The following ENOPH1 variants were observed in gnomAD, a reference collection of about 807,000 sequenced individuals.
ENOPH1 encodes the protein enolase-phosphatase E1.
In ENOPH1, 14 loss-of-function variants were observed where a neutral mutation model predicts 31.1. That is an observed-to-expected ratio of 0.45 (90% CI 0.30 to 0.70). The LOEUF is 0.70. Ranked by LOEUF, ENOPH1 falls within the 30% of genes least tolerant of loss-of-function variation. The pLI is 0.09. For synonymous variants in ENOPH1, 127 were observed against 123.2 expected, an observed-to-expected ratio of 1.03 and a Z score of -0.21; for missense variants, 243 against 321.5, an observed-to-expected ratio of 0.76 and a Z score of 1.87.
chr4:82,441,032 C>T (rs1023892789), intron 1 of ENOPH1, among the ~76,000 whole-genome samples: 1 of 152,162 alleles, frequency 6.6e-6, no homozygotes, highest in African/African-American at 2.4e-5. Context: ...TTTTGAAGAG[C>T]AATTCTAATA....
intron 5 of ENOPH1, among the ~76,000 whole-genome samples, chr4:82,459,728 G>C (rs183089316): frequency 6.6e-6 from 1 of 152,154 alleles, no homozygotes. Flanking sequence ...AGAAGTGTAG[G>C]ATACACTGCC....
At chr4:82,447,786 T>C in intron 1 of ENOPH1, 134 bp from the exon 2 acceptor site, 1 of 513,510 alleles carries the variant, frequency 1.9e-6, no homozygotes, top group Non-Finnish European at 3.4e-6. Context: ...TTCTTGCTCA[T>C]ATTCACAGCA....
intron 1 of ENOPH1, among the ~76,000 whole-genome samples, chr4:82,432,643 A>G (rs564382229): frequency 2.6e-4 from 34 of 130,318 alleles, no homozygotes; most frequent in African/African-American, 9.9e-4. Flanking sequence ...CCTCTTCCCC[A>G]CGTTTTGTTT....
intron 1 of ENOPH1, among the ~76,000 whole-genome samples, 178 bp downstream of exon 1, chr4:82,431,091 C>T (rs983956469): frequency 6.6e-6 from 1 of 152,158 alleles, no homozygotes; most frequent in Non-Finnish European, 1.5e-5. Flanking sequence ...TGCTTTTCCT[C>T]GCGACACTAG....
intron 1 of ENOPH1, among the ~76,000 whole-genome samples, chr4:82,431,495 T>C (rs1721759124): frequency 6.6e-6 from 1 of 152,178 alleles, no homozygotes; most frequent in South Asian, 2.1e-4. Context: ...CGCTGATTTT[T>C]TGAGCTATAG....
In ENOPH1 at chr4:82,430,740, C is replaced by T; in HGVS notation, c.-90C>T. On this transcript the variant is annotated 5_prime_UTR_variant, in exon 1 of 6. Transcript: ENST00000273920. Reference sequence around the variant, plus strand: ...GAGATCGCGCGGGGCCGCCGGAAGCCCAAGACGGTACCGGGGGCCGCAGCC... The same window carrying T: ...GAGATCGCGCGGGGCCGCCGGAAGCTCAAGACGGTACCGGGGGCCGCAGCC... 1.6e-6 allele frequency: 2 copies of T among 1,287,118 alleles called. No homozygotes were observed. The highest frequency in any genetic ancestry group is 2.2e-6 in the Non-Finnish European group (2 of 893,496). The allele number at this position is 1,287,118 out of a possible 1,614,324, so 79.7% of individuals were successfully genotyped here. A position where few individuals can be genotyped will look rare whatever the true frequency, so the allele number is the denominator to read the frequency against.
rs1240857415 is a variant in ENOPH1, at chr4:82,430,670, T to G, written c.-160T>G. 6.4e-6 allele frequency: 4 copies of G among 623,398 alleles called. No homozygotes were observed. In the Admixed American group the frequency reaches 1.1e-4, roughly 18 times the overall value. 38.6% of individuals were successfully genotyped at this position (623,398 alleles called of 1,614,324 possible). A position where few individuals can be genotyped will look rare whatever the true frequency, so the allele number is the denominator to read the frequency against. On this transcript the variant is annotated 5_prime_UTR_variant, in exon 1 of 6. Coordinates refer to ENST00000273920, the MANE Select transcript of ENOPH1 (RefSeq NM_021204.5). ...TTTTCCAGTTCCAGGTGTGCAGAAG[T>G]GTCCTCTCCCCACGCGCGGCGGGCT...
In ENOPH1 at chr4:82,430,778, G is replaced by T. The variant is rs367651805; in HGVS notation, c.-52G>T. 315 of 1,562,952 alleles carry T rather than the reference G, an allele frequency of 2.0e-4. 1 individual carries two copies. In the African/African-American group the frequency reaches 3.7e-3, roughly 18 times the overall value. On this transcript the variant is annotated 5_prime_UTR_variant, in exon 1 of 6. Coordinates refer to ENST00000273920, the MANE Select transcript of ENOPH1 (RefSeq NM_021204.5). ...GGGGGCCGCAGCCGCAGCCGGCGCCGCCCTCCGCCCTCCCCAACAGCAGGC... is the reference window on the plus strand; with the variant it reads ...GGGGGCCGCAGCCGCAGCCGGCGCCTCCCTCCGCCCTCCCCAACAGCAGGC...
chr4:82,459,541 A>G (rs1044401038), intron 5 of ENOPH1, among the ~76,000 whole-genome samples: 1 of 152,060 alleles, frequency 6.6e-6, no homozygotes, highest in African/African-American at 2.4e-5. Flanking sequence ...CTGGCGTTCA[A>G]GTGAACTCCT....
Position 82,460,434 on chromosome 4 carries a change from C to G in ENOPH1, c.*314C>G, listed in dbSNP as rs2110049732. 5.3e-6 allele frequency: 1 copy of G among 190,376 alleles called. No individual in the cohort carries two copies. Among genetic ancestry groups the G allele is most frequent in the Non-Finnish European group, 1.1e-5 (1 of 93,604 alleles). 11.8% of individuals were successfully genotyped at this position (190,376 alleles called of 1,614,324 possible). A position where few individuals can be genotyped will look rare whatever the true frequency, so the allele number is the denominator to read the frequency against. On this transcript the variant is annotated 3_prime_UTR_variant, in exon 6 of 6. Coordinates refer to ENST00000273920, the MANE Select transcript of ENOPH1 (RefSeq NM_021204.5). ...TACCTATCTAATGTGCTATGTTTAT[C>G]AAATCGTGTACTAAAATGGAAAGCT...
At chr4:82,454,975 TAAG>T in intron 4 of ENOPH1, 121 bp downstream of exon 4, 1 of 908,884 alleles carries the variant, frequency 1.1e-6, no homozygotes, top group Non-Finnish European at 1.7e-6. Context: ...TAAAATTAGG[TAAG>T]AAGAAAATAA....
chr4:82,453,767 AAC>A (rs1722413785), intron 3 of ENOPH1, among the ~76,000 whole-genome samples: 1 of 152,202 alleles, frequency 6.6e-6, no homozygotes, highest in Admixed American at 6.5e-5. Context: ...GACTATGGAA[AAC>A]ACTAGAATTG....
At chr4:82,454,321 C>T (rs1463407138) in intron 3 of ENOPH1, among the ~76,000 whole-genome samples, 1 of 152,188 alleles carries the variant, frequency 6.6e-6, no homozygotes, top group Non-Finnish European at 1.5e-5. Flanking sequence ...CATTTCCATG[C>T]TTTCTTAAAG....
chr4:82,453,977 G>T (rs920146808), intron 3 of ENOPH1, among the ~76,000 whole-genome samples: 3 of 151,790 alleles, frequency 2.0e-5, no homozygotes, highest in Non-Finnish European at 4.4e-5. Flanking sequence ...AGGCTGAAGT[G>T]GGGGGATCAC....
rs74287383 is a variant in ENOPH1 at position 82,439,770 on chromosome 4, G to C, written c.85-8150G>C. On this transcript the variant is annotated intron_variant, in intron 1 of 5. Coordinates refer to ENST00000273920, the MANE Select transcript of ENOPH1 (RefSeq NM_021204.5). ...GTGGTGGCAGTGGTGAGAAGTGATTGGATCTGAATATATTTTGAAGGTAGA... is the reference window on the plus strand; with the variant it reads ...GTGGTGGCAGTGGTGAGAAGTGATTCGATCTGAATATATTTTGAAGGTAGA... Among the ~76,000 whole-genome samples the C allele has an allele frequency of 2.6e-5, 4 of 152,258 alleles. No homozygotes were observed. In the East Asian group the frequency reaches 7.7e-4, roughly 29 times the overall value.
intron 1 of ENOPH1, among the ~76,000 whole-genome samples, chr4:82,447,240 C>A (rs985892898): frequency 6.6e-6 from 1 of 152,192 alleles, no homozygotes; most frequent in African/African-American, 2.4e-5. Context: ...CCTGCCTCGG[C>A]CTCCCAAAGT....
At chr4:82,451,670 G>T (rs981383430) in intron 3 of ENOPH1, among the ~76,000 whole-genome samples, 1 of 152,174 alleles carries the variant, frequency 6.6e-6, no homozygotes. Flanking sequence ...GAGGATGTCC[G>T]CACTACCACG....
chr4:82,457,235 G>A (rs1722513831), intron 5 of ENOPH1, among the ~76,000 whole-genome samples, 197 bp downstream of exon 5: 1 of 152,112 alleles, frequency 6.6e-6, no homozygotes, highest in South Asian at 2.1e-4. Context: ...GTGAAGGCAG[G>A]CTTGGTGGCT....
At chr4:82,438,200 A>G (rs1560463188) in intron 1 of ENOPH1, among the ~76,000 whole-genome samples, 1 of 152,240 alleles carries the variant, frequency 6.6e-6, no homozygotes, top group African/African-American at 2.4e-5. Flanking sequence ...TGATTATAAA[A>G]TTGCAGACAA....
Sources: allele counts gnomAD v4.1 joint callset (sites outside exome capture counted in the v4.1 genomes callset), GRCh38; gene constraint gnomAD v4.1.1; transcripts MANE v1.5; gene names NCBI Gene and HGNC (gene_info 2026-07-23, HGNC 2026-07-21).